Variants in LONRF2 observed in about 807,000 individuals in gnomAD.
The protein encoded by LONRF2 is LON peptidase N-terminal domain and RING finger protein 2.
LONRF2 carries 35 observed loss-of-function variants against 66.6 expected under a neutral mutation model. That is an observed-to-expected ratio of 0.53 (90% confidence interval 0.40 to 0.70). The LOEUF is 0.70. Among genes scored for constraint, LONRF2 ranks in the 30% least tolerant of loss-of-function variants. The probability of loss-of-function intolerance (pLI) is 0.00; values close to 1 mark genes in which losing one functional copy is unlikely to be tolerated. For missense variants in LONRF2, 902 were observed against 1,002.1 expected (o/e 0.90, Z 1.35); for synonymous variants, 417 against 418.1 (o/e 1.00, Z 0.03).
chr2:100,303,709 A>T (rs1573119920), intron 2 of LONRF2, among the ~76,000 whole-genome samples: 1 of 152,258 alleles, frequency 6.6e-6, no homozygotes, highest in Non-Finnish European at 1.5e-5. Flanking sequence ...CATTTTTCTC[A>T]TTCTCATTCC....
intron 2 of LONRF2, among the ~76,000 whole-genome samples, chr2:100,307,203 A>T (rs1675316509): frequency 6.6e-6 from 1 of 152,126 alleles, no homozygotes. Flanking sequence ...TACAGGCGTG[A>T]GCCACCGCGC....
chr2:100,304,812 T>TTTTTC (rs1675259613), intron 2 of LONRF2, among the ~76,000 whole-genome samples: 2 of 149,026 alleles, frequency 1.3e-5, no homozygotes, highest in African/African-American at 4.9e-5. Context: ...TTTTTTTTTT[T>TTTTTC]AGTTGAGATG....
At chr2:100,303,105 CA>C in intron 2 of LONRF2, 62 bp from the exon 3 acceptor site, 1 of 1,435,760 alleles carries the variant, frequency 7.0e-7, no homozygotes, top group Non-Finnish European at 9.3e-7. Flanking sequence ...TACTTGAATA[CA>C]AACTTCCCTG....
chr2:100,322,146 G>A lies in LONRF2; in HGVS notation c.-53C>T. 1 of 1,216,984 alleles carries A rather than the reference G, an allele frequency of 8.2e-7. No homozygotes were observed. The highest frequency in any genetic ancestry group is 1.0e-6 in the Non-Finnish European group (1 of 976,946). The allele number at this position is 1,216,984 out of a possible 1,614,324, so 75.4% of individuals were successfully genotyped here. On this transcript the variant is annotated 5_prime_UTR_variant, in exon 1 of 12. Coordinates refer to ENST00000393437, the MANE Select transcript of LONRF2 (RefSeq NM_198461.4). Reference sequence around the variant, plus strand: ...CGGAGCGAAGGCGCGGAGCAGGGAGGATGCGCTGCTGCTGGGAACTGGCCG... The same window carrying A: ...CGGAGCGAAGGCGCGGAGCAGGGAGAATGCGCTGCTGCTGGGAACTGGCCG...
chr2:100,305,514 AT>A (rs1199826057), intron 2 of LONRF2, among the ~76,000 whole-genome samples: 2 of 152,088 alleles, frequency 1.3e-5, no homozygotes, highest in African/African-American at 2.4e-5. Flanking sequence ...TTCTCTCTCC[AT>A]TGTTTGAAAT....
rs1297193277 is a variant in LONRF2, at chr2:100,272,552, GT to G, written c.*11745del. Among the ~76,000 whole-genome samples, 1 of 151,212 alleles carries G rather than the reference GT, an allele frequency of 6.6e-6. No individual in the cohort carries two copies. The highest frequency in any genetic ancestry group is 1.5e-5 in the Non-Finnish European group (1 of 67,902). On this transcript the variant is annotated 3_prime_UTR_variant, in exon 12 of 12. Transcript: ENST00000393437. ...CAAACAAACTAACCAGAGTATGTAG[GT>G]TAAAAAAAAGAAAAAAAAAGATGGG...
intron 1 of LONRF2, among the ~76,000 whole-genome samples, chr2:100,320,254 A>G (rs567740834): frequency 6.6e-6 from 1 of 152,378 alleles, no homozygotes; most frequent in African/African-American, 2.4e-5. Context: ...CTAATTGGAT[A>G]GTGCTGCTCT....
rs1674708419 is a variant in LONRF2, at chr2:100,281,080, G to A, written c.*3218C>T. On this transcript the variant is annotated 3_prime_UTR_variant, in exon 12 of 12. Transcript: ENST00000393437. ...CCTTAAAAATTATAACAAATTCTAT[G>A]TAACACAGGCAATGGAGTATTTCGA... The A allele has an allele frequency of 6.6e-6, 1 of 152,154 alleles. No individual in the cohort carries two copies. The highest frequency in any genetic ancestry group is 6.5e-5 in the Admixed American group (1 of 15,272). The allele number at this position is 152,154 out of a possible 1,614,324, so 9.4% of individuals were successfully genotyped here.
chr2:100,288,906 G>A (rs962683226), intron 10 of LONRF2, among the ~76,000 whole-genome samples: 2 of 152,140 alleles, frequency 1.3e-5, no homozygotes, highest in African/African-American at 4.8e-5. Flanking sequence ...CCTGGTTTGG[G>A]GCTATAATGG....
In LONRF2 at chr2:100,322,276, C is replaced by G; in HGVS notation, c.-183G>C. ...GGGGGCGGGCGCCTGGCTTGGGCAGCGTCCTCAGCGCGGTGTGGGCGGCGA... is the reference window on the plus strand; with the variant it reads ...GGGGGCGGGCGCCTGGCTTGGGCAGGGTCCTCAGCGCGGTGTGGGCGGCGA... On this transcript the variant is annotated 5_prime_UTR_variant, in exon 1 of 12. Coordinates refer to ENST00000393437, the MANE Select transcript of LONRF2 (RefSeq NM_198461.4). 2.1e-6 allele frequency: 1 copy of G among 478,864 alleles called. No homozygotes were observed. The highest frequency in any genetic ancestry group is 3.2e-6 in the Non-Finnish European group (1 of 316,706). 29.7% of individuals were successfully genotyped at this position (478,864 alleles called of 1,614,324 possible).
chr2:100,294,104 T>C, intron 9 of LONRF2, 125 bp downstream of exon 9: 2 of 1,102,410 alleles, frequency 1.8e-6, no homozygotes, highest in South Asian at 1.4e-5. Flanking sequence ...GCCTTGAACT[T>C]GGACTTTGTT....
intron 9 of LONRF2, among the ~76,000 whole-genome samples, chr2:100,293,504 C>A (rs1184588859): frequency 6.6e-6 from 1 of 152,162 alleles, no homozygotes; most frequent in Admixed American, 6.5e-5. Flanking sequence ...ATAGCTAGCA[C>A]TTGAATGCAG....
chr2:100,298,534 C>A (rs747198642), intron 7 of LONRF2, among the ~76,000 whole-genome samples: 1 of 152,186 alleles, frequency 6.6e-6, no homozygotes, highest in Non-Finnish European at 1.5e-5. Flanking sequence ...ATTAAGTGCA[C>A]CATGACAACG....
intron 1 of LONRF2, among the ~76,000 whole-genome samples, chr2:100,312,095 T>C (rs976197101): frequency 6.6e-6 from 1 of 152,132 alleles, no homozygotes; most frequent in African/African-American, 2.4e-5. Context: ...TGATCTGAAA[T>C]AAGATGGAAA....
At chr2:100,295,729 T>C (rs182491432) in intron 7 of LONRF2, among the ~76,000 whole-genome samples, 176 bp from the exon 8 acceptor site, 27 of 152,222 alleles carry the variant, frequency 1.8e-4, no homozygotes, top group Admixed American at 3.9e-4. Context: ...GCCCCTCCAC[T>C]GTGAGAAAAG....
rs199527638 is a variant in LONRF2 at position 100,303,055 on chromosome 2, G to A, written c.799-12C>T. On this transcript the variant is annotated splice_polypyrimidine_tract_variant and intron_variant, in intron 2 of 11. Transcript: ENST00000393437. The stretch of plus-strand genomic sequence containing the variant: ...TTTACTTGATGTCCCTAGATTCACC[G>A]AAGACAAAGTGTACATTTTTAAAAC... 33 of 1,571,796 alleles carry A rather than the reference G, an allele frequency of 2.1e-5. No homozygotes were observed. In the East Asian group the frequency reaches 4.8e-4, roughly 23 times the overall value.
In LONRF2 at chr2:100,300,752, A is replaced by G. The variant is rs1167417796; in HGVS notation, c.957T>C (p.Asn319=). The G allele has an allele frequency of 6.2e-7, 1 of 1,612,492 alleles. No individual in the cohort carries two copies. The highest frequency in any genetic ancestry group is 1.3e-5 in the African/African-American group (1 of 74,978). Residue 319 remains asparagine (N), a synonymous_variant, in exon 4 of 12, where the codon AAT becomes AAC. Transcript: ENST00000393437. ...TGGAAGATGTTAAATTTTCATGCAC[A>G]TTTGCTGTAGCTGAAAACAGCACTT... ...MCEVLFSATA[N]VHENLTSSIQ... is the part of the protein sequence containing the mutation.
At chr2:100,316,861 G>C (rs1024884155) in intron 1 of LONRF2, among the ~76,000 whole-genome samples, 1 of 152,028 alleles carries the variant, frequency 6.6e-6, no homozygotes, top group African/African-American at 2.4e-5. Flanking sequence ...TACACTTGTT[G>C]TTAGGTGCAT....
chr2:100,272,977 C>T lies in LONRF2; in HGVS notation c.*11321G>A, dbSNP rs1027888706. 2.0e-5 allele frequency among the ~76,000 whole-genome samples: 3 copies of T among 152,176 alleles called. No individual in the cohort carries two copies. The highest frequency in any genetic ancestry group is 2.0e-4 in the Admixed American group (3 of 15,272). On this transcript the variant is annotated 3_prime_UTR_variant, in exon 12 of 12. Transcript: ENST00000393437. Reference sequence around the variant, plus strand: ...GTCCACTAGAACCTGTGGATATAACCTTATTTGGAAATACAGTCTTTGCAG... The same window carrying T: ...GTCCACTAGAACCTGTGGATATAACTTTATTTGGAAATACAGTCTTTGCAG...
Sources: gnomAD v4.1 joint callset for allele counts (sites outside exome capture counted in the v4.1 genomes callset) on GRCh38, gnomAD v4.1.1 for gene constraint, MANE v1.5 for transcripts, NCBI Gene and HGNC (gene_info 2026-07-23, HGNC 2026-07-21) for gene names.